The following DYRK3 variants were observed in gnomAD, a reference collection of about 807,000 sequenced individuals.
The protein encoded by DYRK3 is dual specificity tyrosine phosphorylation regulated kinase 3.
DYRK3 carries 30 observed loss-of-function variants against 40.8 expected under a neutral mutation model. That is an observed-to-expected ratio of 0.74 (90% CI 0.55 to 1.00). DYRK3 has a LOEUF of 1.00. Among genes scored for constraint, DYRK3 ranks in the 50% least tolerant of loss-of-function variants. The pLI is 0.00. For synonymous variants in DYRK3, 272 were observed against 260.7 expected (o/e 1.04, Z -0.42); for missense variants, 699 against 731.5 (o/e 0.96, Z 0.51).
chr1:206,636,748 A>C (rs1391743412), intron 1 of DYRK3: 14 of 512,176 alleles, frequency 2.7e-5, no homozygotes, highest in Non-Finnish European at 4.2e-5. Context: ...TATCATGTAA[A>C]ATGATACAAT....
At chr1:206,643,740 G>A (rs1553419676) in intron 2 of DYRK3, among the ~76,000 whole-genome samples, 1 of 152,098 alleles carries the variant, frequency 6.6e-6, no homozygotes, top group African/African-American at 2.4e-5. Context: ...TTGAGCAGAA[G>A]GCATAGTTAG....
chr1:206,647,152 C>G (rs1180839971), intron 2 of DYRK3, among the ~76,000 whole-genome samples: 1 of 151,902 alleles, frequency 6.6e-6, no homozygotes, highest in Non-Finnish European at 1.5e-5. Context: ...ATCATCTTGT[C>G]TTGAACAAAG....
Position 206,648,672 on chromosome 1 carries a change from G to C in DYRK3, c.1474G>C (p.Asp492His). ...GGGGACAGCACTGAAAGGGTGTGAT[G>C]ACTACTTGTTTATAGAGTTCTTGAA... is the stretch of plus-strand genomic sequence containing the variant. The part of the protein sequence containing the change: ...DWGTALKGCD[D>H]YLFIEFLKRC... The change falls in exon 3 of 3, where the codon GAC (aspartate) becomes CAC (histidine). Residue 492 changes from aspartate to histidine, a missense_variant. Transcript: ENST00000367109. 1 of 1,614,020 alleles carries C rather than the reference G, an allele frequency of 6.2e-7. No homozygotes were observed. The highest frequency in any genetic ancestry group is 2.2e-5 in the East Asian group (1 of 44,874).
chr1:206,639,465 ATT>A (rs11400833), intron 2 of DYRK3, among the ~76,000 whole-genome samples: 104 of 118,514 alleles, frequency 8.8e-4, no homozygotes, highest in African/African-American at 3.0e-3. Flanking sequence ...ATTTTAACTG[ATT>A]TTTTTTTTTT....
In DYRK3 at chr1:206,647,945, A is replaced by G. The variant is rs782351409; in HGVS notation, c.747A>G (p.Gln249=). Residue 249 remains glutamine, a synonymous_variant, in exon 3 of 3, where the codon CAA becomes CAG. Transcript: ENST00000367109. ...GCAATGAGAAGCGCTTTCATCGTCA[A>G]GCAGCTGAGGAGATCCGGATTTTGG... ...MVRNEKRFHR[Q]AAEEIRILEH... The G allele has an allele frequency of 6.2e-7, 1 of 1,614,166 alleles. No homozygotes were observed. Among genetic ancestry groups the G allele is most frequent in the Non-Finnish European group, 8.5e-7 (1 of 1,180,020 alleles).
chr1:206,647,000 T>G (rs1369215250), intron 2 of DYRK3, among the ~76,000 whole-genome samples: 1 of 152,172 alleles, frequency 6.6e-6, no homozygotes, highest in Admixed American at 6.5e-5. Flanking sequence ...AGTATGGGCT[T>G]GGCATAGTTC....
At chr1:206,645,088 ACTT>A (rs1353869084) in intron 2 of DYRK3, among the ~76,000 whole-genome samples, 1 of 152,220 alleles carries the variant, frequency 6.6e-6, no homozygotes, top group Middle Eastern at 3.2e-3. Context: ...AGCAAGCAGG[ACTT>A]TTATAACTGA....
rs1671567053 is a variant in DYRK3 at position 206,649,275 on chromosome 1, G to A, written c.*310G>A. ...TAAATCTCTTTCTCTCAAGATAGAA[G>A]GTGTAGCAAAAGTATCCCAACTACT... On this transcript the variant is annotated 3_prime_UTR_variant, in exon 3 of 3. Coordinates refer to ENST00000367109, the MANE Select transcript of DYRK3 (RefSeq NM_003582.4). The A allele has an allele frequency of 7.8e-6, 2 of 255,996 alleles. No individual in the cohort carries two copies. The highest frequency in any genetic ancestry group is 1.5e-5 in the Non-Finnish European group (2 of 131,996). 15.9% of individuals were successfully genotyped at this position (255,996 alleles called of 1,614,324 possible).
rs1671653856 is a variant in DYRK3 at position 206,652,366 on chromosome 1, T to C, written c.*3401T>C. 6.6e-6 allele frequency among the ~76,000 whole-genome samples: 1 copy of C among 152,176 alleles called. No individual in the cohort carries two copies. Among genetic ancestry groups the C allele is most frequent in the Admixed American group, 6.5e-5 (1 of 15,270 alleles). On this transcript the variant is annotated 3_prime_UTR_variant, in exon 3 of 3. Transcript: ENST00000367109. The stretch of plus-strand genomic sequence containing the variant: ...TGTTTTTAGTGAGAGTTCTAGCCAG[T>C]ACTGTGCCTGAACTTGGGAGAGAAA...
chr1:206,639,037 C>T (rs1671201971), intron 2 of DYRK3, among the ~76,000 whole-genome samples: 1 of 152,050 alleles, frequency 6.6e-6, no homozygotes, highest in African/African-American at 2.4e-5. Flanking sequence ...ACTGCCACCA[C>T]ACCCAGCTAA....
In DYRK3 at chr1:206,648,923, T is replaced by C. The variant is rs1553420912; in HGVS notation, c.1725T>C (p.Gly575=). The part of the protein sequence containing the change: ...LKANLMSETN[G]SIPLCSVLPK... ...CTAACTTAATGTCAGAAACCAATGG[T>C]AGTATACCCCTATGCAGTGTATTGC... is the stretch of plus-strand genomic sequence containing the variant. Residue 575 remains glycine (G), a synonymous_variant, in exon 3 of 3, where the codon GGT becomes GGC. Transcript: ENST00000367109. 6.2e-7 allele frequency: 1 copy of C among 1,614,112 alleles called. No homozygotes were observed. Among genetic ancestry groups the C allele is most frequent in the South Asian group, 1.1e-5 (1 of 91,084 alleles).
intron 1 of DYRK3, 33 bp downstream of exon 1, chr1:206,635,813 G>A: frequency 8.0e-7 from 1 of 1,243,458 alleles, no homozygotes; most frequent in South Asian, 3.8e-5. Context: ...GGCTGGAGGC[G>A]CCACAGGGAG....
Position 206,649,053 on chromosome 1 carries a change from G to T in DYRK3, c.*88G>T. The T allele has an allele frequency of 3.6e-6, 5 of 1,389,844 alleles. No homozygotes were observed. In the South Asian group the frequency reaches 7.6e-5, roughly 21 times the overall value. The allele number at this position is 1,389,844 out of a possible 1,614,324, so 86.1% of individuals were successfully genotyped here. A position where few individuals can be genotyped will look rare whatever the true frequency, so the allele number is the denominator to read the frequency against. Reference sequence around the variant, plus strand: ...TGGAAAAAATGCAAGCCCATTGGTGGATGTTTTTGTTAGAGTAGACTTTTT... The same window carrying T: ...TGGAAAAAATGCAAGCCCATTGGTGTATGTTTTTGTTAGAGTAGACTTTTT... On this transcript the variant is annotated 3_prime_UTR_variant, in exon 3 of 3. Transcript: ENST00000367109.
Position 206,652,030 on chromosome 1 carries a change from G to A in DYRK3, c.*3065G>A, listed in dbSNP as rs975573220. ...CAGCAGTGTCAAGACAGCTGACACT[G>A]TCTTCCAAGAGTGAATGCATTGGCC... On this transcript the variant is annotated 3_prime_UTR_variant, in exon 3 of 3. Coordinates refer to ENST00000367109, the MANE Select transcript of DYRK3 (RefSeq NM_003582.4). 6.6e-6 allele frequency among the ~76,000 whole-genome samples: 1 copy of A among 152,180 alleles called. No individual in the cohort carries two copies. The highest frequency in any genetic ancestry group is 1.5e-5 in the Non-Finnish European group (1 of 68,034).
intron 2 of DYRK3, 100 bp downstream of exon 2, chr1:206,637,861 T>C (rs1572439774): frequency 1.3e-6 from 1 of 785,572 alleles, no homozygotes; most frequent in South Asian, 2.1e-5. Context: ...ACAACCAGAC[T>C]TTTTTTTGGT....
chr1:206,647,130 G>C (rs1171980200), intron 2 of DYRK3, among the ~76,000 whole-genome samples: 1 of 152,002 alleles, frequency 6.6e-6, no homozygotes, highest in South Asian at 2.1e-4. Flanking sequence ...GGCATGTGGG[G>C]GGCATGGTAA....
chr1:206,638,231 T>A (rs1170702860), intron 2 of DYRK3, among the ~76,000 whole-genome samples: 1 of 151,926 alleles, frequency 6.6e-6, no homozygotes, highest in Non-Finnish European at 1.5e-5. Context: ...AGTTTGGTTT[T>A]TAATGCACTT....
At position 206,653,619 on chromosome 1, in the gene DYRK3, T is replaced by G. The variant is rs1553421572; in HGVS notation, c.*4654T>G. ...ACCCACACAATCTCTGATGTCTTCT[T>G]TTTGGGAAAGGGTAATGAGATAAGG... On this transcript the variant is annotated 3_prime_UTR_variant, in exon 3 of 3. Coordinates refer to ENST00000367109, the MANE Select transcript of DYRK3 (RefSeq NM_003582.4). 6.6e-6 allele frequency among the ~76,000 whole-genome samples: 1 copy of G among 152,204 alleles called. No individual in the cohort carries two copies. The highest frequency in any genetic ancestry group is 1.5e-5 in the Non-Finnish European group (1 of 68,034).
rs970049659 is a variant in DYRK3 at position 206,649,333 on chromosome 1, G to T, written c.*368G>T. The T allele has an allele frequency of 6.3e-5, 12 of 190,596 alleles. No individual in the cohort carries two copies. The highest frequency in any genetic ancestry group is 2.9e-4 in the African/African-American group (12 of 41,886). The allele number at this position is 190,596 out of a possible 1,614,324, so 11.8% of individuals were successfully genotyped here. A position where few individuals can be genotyped will look rare whatever the true frequency, so the allele number is the denominator to read the frequency against. ...TCTAGTGTCCCTCGGCATCTGTTCT[G>T]GAGGGGTAATTTGGGATGTGGTGTT... is the stretch of plus-strand genomic sequence containing the variant. On this transcript the variant is annotated 3_prime_UTR_variant, in exon 3 of 3. Transcript: ENST00000367109.
Sources: allele counts gnomAD v4.1 joint callset (sites outside exome capture counted in the v4.1 genomes callset), GRCh38; gene constraint gnomAD v4.1.1; transcripts MANE v1.5; gene names NCBI Gene and HGNC (gene_info 2026-07-23, HGNC 2026-07-21).